Variants in CYP3A4 observed in about 807,000 individuals in gnomAD.
CYP3A4 encodes cytochrome P450 3A4.
Under a neutral mutation model 54.9 loss-of-function variants are expected in CYP3A4, and 41 were observed. The ratio of observed to expected loss-of-function variants is 0.75; its 90% CI spans 0.58 to 0.97. The LOEUF (loss-of-function observed/expected upper bound fraction) is 0.97, where lower values mean the gene tolerates loss of function less well. Among genes scored for constraint, CYP3A4 ranks in the 50% least tolerant of loss-of-function variants. The pLI is 0.00. For missense variants in CYP3A4, 510 were observed against 597.3 expected (o/e 0.85, Z 1.52); for synonymous variants, 179 against 205.2 (o/e 0.87, Z 1.09).
rs72552800 is a variant in CYP3A4 at position 99,778,006 on chromosome 7, T to C, written c.218+22A>G. The stretch of plus-strand genomic sequence containing the variant: ...TCATCATAGAAACAAGTCTATCCAA[T>C]GGAAGTTTCCAGAATACTCACCCCC... On this transcript the variant is annotated intron_variant, in intron 3 of 12. Transcript: ENST00000651514. The C allele has an allele frequency of 6.1e-5, 98 of 1,602,110 alleles. No homozygotes were observed. In the East Asian group the frequency reaches 2.1e-3, roughly 35 times the overall value.
At position 99,762,041 on chromosome 7, in the gene CYP3A4, C is replaced by T. The variant is rs1368745625; in HGVS notation, c.1253G>A (p.Arg418Lys). Reference protein sequence around the residue: ...WTEPEKFLPERFSKKNKDNID... With the variant: ...WTEPEKFLPEKFSKKNKDNID... ...GGCTCCCTTCCCAGGGGCCTTGTAC[C>T]TTTCAGGGAGGAACTTCTCAGGCTC... The change falls in exon 11 of 13, where the codon AGA becomes AAA. Residue 418 changes from arginine (R) to lysine (K), a missense_variant and splice_region_variant. By Grantham distance (26) the Arg-to-Lys change is conservative (BLOSUM62 2). This residue lies in a region of CYP3A4 where 238 missense variants were observed against 322.5 expected (regional missense o/e 0.74). Coordinates refer to ENST00000651514, the MANE Select transcript of CYP3A4 (RefSeq NM_017460.6). The T allele has an allele frequency of 6.2e-7, 1 of 1,614,040 alleles. No individual in the cohort carries two copies. The highest frequency in any genetic ancestry group is 8.5e-7 in the Non-Finnish European group (1 of 1,179,946).
At chr7:99,768,558 C>G in intron 6 of CYP3A4, 56 bp from the exon 7 acceptor site, 6 of 1,611,604 alleles carry the variant, frequency 3.7e-6, no homozygotes, top group Non-Finnish European at 5.1e-6. Context: ...CATCCTTCCT[C>G]TATGCATGCA....
chr7:99,766,236 T>C, intron 9 of CYP3A4, 141 bp downstream of exon 9: 1 of 1,036,862 alleles, frequency 9.6e-7, no homozygotes, highest in Non-Finnish European at 1.4e-6. Flanking sequence ...TGCCTCCAAC[T>C]ACCACTTATA....
chr7:99,770,628 T>C (rs1404061172), intron 4 of CYP3A4, among the ~76,000 whole-genome samples: 1 of 152,196 alleles, frequency 6.6e-6, no homozygotes, highest in Admixed American at 6.6e-5. Flanking sequence ...GTGGATTGTA[T>C]GTTGCCTCAG....
chr7:99,769,789 C>T lies in CYP3A4; in HGVS notation c.500G>A (p.Gly167Asp), dbSNP rs767982031. ...TTACTCTTTCAAGGTGACAGGCTTG[C>T]CTGTCTCTGCTTCCCGCCTCAGATT... ...VRNLRREAET[G>D]KPVTLKDVFG... Residue 167 changes from glycine to aspartate, a missense_variant, in exon 6 of 13, where the codon GGC becomes GAC. This residue lies in a region of CYP3A4 where 272 missense variants were observed against 274.9 expected (regional missense o/e 0.99). Coordinates refer to ENST00000651514, the MANE Select transcript of CYP3A4 (RefSeq NM_017460.6). 3 of 1,613,856 alleles carry T rather than the reference C, an allele frequency of 1.9e-6. No homozygotes were observed. The highest frequency in any genetic ancestry group is 2.5e-6 in the Non-Finnish European group (3 of 1,179,918).
chr7:99,778,053 G>A lies in CYP3A4; in HGVS notation c.193C>T (p.His65Tyr). The change falls in exon 3 of 13, where the codon CAT becomes TAT. Residue 65 changes from histidine (H) to tyrosine (Y), a missense_variant. Physicochemically the swap from His to Tyr is moderately conservative, Grantham distance 83. This residue lies in a region of CYP3A4 where 272 missense variants were observed against 274.9 expected (regional missense o/e 0.99). Coordinates refer to ENST00000651514, the MANE Select transcript of CYP3A4 (RefSeq NM_017460.6). ...KGFCMFDMECHKKYGKVWGFY... is the reference protein window; with the variant it reads ...KGFCMFDMECYKKYGKVWGFY... ...CCCCACACTTTTCCATACTTTTTAT[G>A]ACATTCCATGTCAAACATACAAAAG... 1 of 1,612,678 alleles carries A rather than the reference G, an allele frequency of 6.2e-7. No individual in the cohort carries two copies. The highest frequency in any genetic ancestry group is 8.5e-7 in the Non-Finnish European group (1 of 1,179,148).
At position 99,778,057 on chromosome 7, in the gene CYP3A4, T is replaced by G; in HGVS notation, c.189A>C (p.Glu63Asp). ...ACACTTTTCCATACTTTTTATGACA[T>G]TCCATGTCAAACATACAAAAGCCCT... ...YHKGFCMFDM[E>D]CHKKYGKVWG... The change falls in exon 3 of 13, where the codon GAA becomes GAC. Residue 63 changes from glutamate (E) to aspartate (D), a missense_variant. Glu to Asp is a conservative substitution (Grantham distance 45). Transcript: ENST00000651514. 1 of 1,612,906 alleles carries G rather than the reference T, an allele frequency of 6.2e-7. No homozygotes were observed. The highest frequency in any genetic ancestry group is 8.5e-7 in the Non-Finnish European group (1 of 1,179,184).
At chr7:99,774,791 A>G (rs556283758) in intron 3 of CYP3A4, among the ~76,000 whole-genome samples, 1 of 152,308 alleles carries the variant, frequency 6.6e-6, no homozygotes, top group Admixed American at 6.5e-5. Flanking sequence ...CAAGACAAGG[A>G]TGTCCTCTCT....
At chr7:99,762,822 A>C (rs1206233820) in intron 10 of CYP3A4, among the ~76,000 whole-genome samples, 2 of 152,170 alleles carry the variant, frequency 1.3e-5, no homozygotes. Flanking sequence ...TTGCTGAAAC[A>C]GTCTCCTAGT....
intron 1 of CYP3A4, 49 bp from the exon 2 acceptor site, chr7:99,780,134 T>C: frequency 6.4e-7 from 1 of 1,573,344 alleles, no homozygotes; most frequent in Non-Finnish European, 8.7e-7. Flanking sequence ...ACTTTATAGA[T>C]ATAGGGGTTG....
chr7:99,762,266 G>A lies in CYP3A4; in HGVS notation c.1028C>T (p.Ala343Val). ...TAGCACAGTATCATAGGTGGGTGGT[G>A]CCTGGAAAGAACGAAACAGATTTGG... ...EEIDAVLPNK[A>V]PPTYDTVLQM... The change falls in exon 11 of 13, where the codon GCA (alanine) becomes GTA (valine). Residue 343 changes from alanine to valine, a missense_variant and splice_region_variant. Coordinates refer to ENST00000651514, the MANE Select transcript of CYP3A4 (RefSeq NM_017460.6). The A allele has an allele frequency of 6.2e-7, 1 of 1,613,948 alleles. No individual in the cohort carries two copies. Among genetic ancestry groups the A allele is most frequent in the Non-Finnish European group, 8.5e-7 (1 of 1,179,956 alleles).
rs56153749 is a variant in CYP3A4 at position 99,766,256 on chromosome 7, CAT to C, written c.865+119_865+120del. 2,316 of 1,192,430 alleles carry C rather than the reference CAT, an allele frequency of 1.9e-3. 30 individuals are homozygous for C. The highest frequency in any genetic ancestry group is 0.018 in the African/African-American group (1,185 of 65,328). 73.9% of individuals were successfully genotyped at this position (1,192,430 alleles called of 1,614,324 possible). A position where few individuals can be genotyped will look rare whatever the true frequency, so the allele number is the denominator to read the frequency against. On this transcript the variant is annotated intron_variant, in intron 9 of 12. Transcript: ENST00000651514. ...CCAACTACCACTTATAACATTCAAA[CAT>C]GTGTCGTTCTGCTATGTGGCAGAAA...
chr7:99,779,854 T>C, intron 2 of CYP3A4, 138 bp downstream of exon 2: 2 of 777,040 alleles, frequency 2.6e-6, no homozygotes, highest in Non-Finnish European at 4.1e-6. Flanking sequence ...CATTGCCATG[T>C]TCTGGGTGAT....
intron 12 of CYP3A4, among the ~76,000 whole-genome samples, chr7:99,758,858 G>T (rs1230897744): frequency 6.6e-6 from 1 of 152,128 alleles, no homozygotes; most frequent in Non-Finnish European, 1.5e-5. Flanking sequence ...GGCTTCCAAG[G>T]GTAGTGCAAG....
intron 9 of CYP3A4, among the ~76,000 whole-genome samples, chr7:99,764,540 C>A (rs907993041): frequency 2.0e-5 from 3 of 152,178 alleles, no homozygotes; most frequent in African/African-American, 7.2e-5. Flanking sequence ...TATTGGTCTA[C>A]AGACCACTTC....
At chr7:99,758,977 C>A (rs28988600) in intron 12 of CYP3A4, among the ~76,000 whole-genome samples, 3,324 of 152,160 alleles carry the variant, frequency 0.022, 61 homozygotes, top group Non-Finnish European at 0.032. Context: ...TTCTGATCTC[C>A]ATGGAGTAAT....
chr7:99,762,026 C>T lies in CYP3A4; in HGVS notation c.1253+15G>A. 6.2e-7 allele frequency: 1 copy of T among 1,613,372 alleles called. No homozygotes were observed. The highest frequency in any genetic ancestry group is 8.5e-7 in the Non-Finnish European group (1 of 1,179,370). On this transcript the variant is annotated intron_variant, in intron 11 of 12. Transcript: ENST00000651514. Reference sequence around the variant, plus strand: ...GGCTGGTTCAGGGAGGGCTCCCTTCCCAGGGGCCTTGTACCTTTCAGGGAG... The same window carrying T: ...GGCTGGTTCAGGGAGGGCTCCCTTCTCAGGGGCCTTGTACCTTTCAGGGAG...
rs774109750 is a variant in CYP3A4, at chr7:99,760,956, T to C, written c.1279A>G (p.Ile427Val). The C allele has an allele frequency of 4.6e-5, 74 of 1,613,292 alleles. No individual in the cohort carries two copies. The highest frequency in any genetic ancestry group is 1.5e-4 in the Admixed American group (9 of 59,858). The change falls in exon 12 of 13, where the codon ATA (isoleucine) becomes GTA (valine). Residue 427 changes from isoleucine to valine, a missense_variant. Coordinates refer to ENST00000651514, the MANE Select transcript of CYP3A4 (RefSeq NM_017460.6). ...AAGGGTGTGTATATGTAAGGATCTA[T>C]GTTGTCCTTGTTCTTCTTGCTGAAT... ...ERFSKKNKDN[I>V]DPYIYTPFGS...
intron 11 of CYP3A4, 131 bp from the exon 12 acceptor site, chr7:99,761,112 G>A (rs1815313765): frequency 1.0e-6 from 1 of 997,076 alleles, no homozygotes; most frequent in African/African-American, 1.6e-5. Context: ...GCTGGTCATT[G>A]AAATCCTGCT....
Sources: allele counts gnomAD v4.1 joint callset (sites outside exome capture counted in the v4.1 genomes callset), GRCh38; gene constraint gnomAD v4.1.1; regional missense constraint gnomAD v4.1.1; transcripts MANE v1.5; gene names NCBI Gene and HGNC (gene_info 2026-07-23, HGNC 2026-07-21).